TMEM132B: variants seen among roughly 807,000 people sequenced by gnomAD.
The protein encoded by TMEM132B is transmembrane protein 132B.
In TMEM132B, 18 loss-of-function variants were observed where a neutral mutation model predicts 90.8. The observed-to-expected ratio is 0.20, with a 90% CI of 0.14 to 0.29. The LOEUF is 0.29. Ranked by LOEUF, TMEM132B falls within the 10% of genes least tolerant of loss-of-function variation. The pLI is 1.00. For synonymous variants in TMEM132B, 504 were observed against 523.3 expected (o/e 0.96, Z 0.50); for missense variants, 1,096 against 1,326.8 (o/e 0.83, Z 2.70).
chr12:125,534,429 A>G (rs1883742049), intron 4 of TMEM132B, among the ~76,000 whole-genome samples: 1 of 152,108 alleles, frequency 6.6e-6, no homozygotes, highest in Non-Finnish European at 1.5e-5. Flanking sequence ...AGGTGGGAGG[A>G]TTGCTTGCAC....
chr12:125,405,178 C>T lies in TMEM132B; in HGVS notation c.960-10353C>T, dbSNP rs532423769. 5.9e-5 allele frequency among the ~76,000 whole-genome samples: 9 copies of T among 152,336 alleles called. No individual in the cohort carries two copies. In the East Asian group the frequency reaches 7.7e-4, roughly 13 times the overall value. ...GGCCAGAGCCCAAAATCAAGATGTC[C>T]GTAGGGTTGAGAAACCTTCTCATGC... On this transcript the variant is annotated intron_variant, in intron 2 of 8. Transcript: ENST00000682704.
At position 125,652,852 on chromosome 12, in the gene TMEM132B, C is replaced by T. The variant is rs148008525; in HGVS notation, c.2106+220C>T. ...TTTCCACGCTGACCACATCCTTATA[C>T]GCCATTTGCTTTCCCCTGGGCTTAT... On this transcript the variant is annotated intron_variant, in intron 8 of 8. Coordinates refer to ENST00000682704, the MANE Select transcript of TMEM132B (RefSeq NM_001366854.1). 1.4e-4 allele frequency among the ~76,000 whole-genome samples: 22 copies of T among 152,354 alleles called. 1 individual carries two copies. The highest frequency in any genetic ancestry group is 1.9e-4 in the East Asian group (1 of 5,182).
intron 2 of TMEM132B, among the ~76,000 whole-genome samples, chr12:125,403,253 C>CT (rs1879369226): frequency 6.6e-6 from 1 of 152,222 alleles, no homozygotes; most frequent in Admixed American, 6.5e-5. Flanking sequence ...TCTACCTCTA[C>CT]TTTCAGAGTT....
In TMEM132B at chr12:125,654,713, T is replaced by C; in HGVS notation, c.*3T>C. Reference sequence around the variant, plus strand: ...AAAGTCTGCAAGACCAGATGTAAACTCCTTTCTTATGTTTGTATTCACCTT... The same window carrying C: ...AAAGTCTGCAAGACCAGATGTAAACCCCTTTCTTATGTTTGTATTCACCTT... On this transcript the variant is annotated 3_prime_UTR_variant, in exon 9 of 9. Coordinates refer to ENST00000682704, the MANE Select transcript of TMEM132B (RefSeq NM_001366854.1). The surrounding 1 kb of genome is among the most constrained non-coding windows in gnomAD (Gnocchi z 5.8). 6.2e-7 allele frequency: 1 copy of C among 1,607,324 alleles called. No individual in the cohort carries two copies. Among genetic ancestry groups the C allele is most frequent in the Non-Finnish European group, 8.5e-7 (1 of 1,176,372 alleles).
rs548911315 is a variant in TMEM132B at position 125,415,016 on chromosome 12, T to G, written c.960-515T>G. 2.6e-5 allele frequency among the ~76,000 whole-genome samples: 4 copies of G among 152,304 alleles called. No individual in the cohort carries two copies. In the South Asian group the frequency reaches 6.2e-4, roughly 24 times the overall value. ...ATCTGGCCCCGTTATCCTGCCTGAA[T>G]GCCACATTTGTTCTTCAAACACCTG... On this transcript the variant is annotated intron_variant, in intron 2 of 8. Coordinates refer to ENST00000682704, the MANE Select transcript of TMEM132B (RefSeq NM_001366854.1). The surrounding 1 kb of genome is among the most constrained non-coding windows in gnomAD (Gnocchi z 5.3).
intron 4 of TMEM132B, among the ~76,000 whole-genome samples, chr12:125,572,686 T>C (rs1455141604): frequency 6.6e-6 from 1 of 152,244 alleles, no homozygotes; most frequent in African/African-American, 2.4e-5. Context: ...GAAAATGTCC[T>C]GTTTCTTATC....
At chr12:125,219,876 C>T (rs112881872) in intron 1 of TMEM132B, among the ~76,000 whole-genome samples, 44 of 152,378 alleles carry the variant, frequency 2.9e-4, no homozygotes, top group African/African-American at 1.0e-3. Flanking sequence ...CCCCCAGCAG[C>T]CTTCCCCTGA....
At chr12:125,592,537 G>GAAAAAA (rs573400580) in intron 5 of TMEM132B, among the ~76,000 whole-genome samples, 1 of 148,550 alleles carries the variant, frequency 6.7e-6, no homozygotes, top group East Asian at 2.0e-4. Flanking sequence ...GTGGATGTCA[G>GAAAAAA]AAAAAAAAAA....
At chr12:125,336,802 G>A (rs976240222) in intron 1 of TMEM132B, among the ~76,000 whole-genome samples, 1 of 152,202 alleles carries the variant, frequency 6.6e-6, no homozygotes, top group African/African-American at 2.4e-5. Context: ...GGCAGACCCG[G>A]GGCTCCAGCC....
At chr12:125,423,229 A>G (rs1880218426) in intron 3 of TMEM132B, among the ~76,000 whole-genome samples, 1 of 152,224 alleles carries the variant, frequency 6.6e-6, no homozygotes, top group Non-Finnish European at 1.5e-5. Flanking sequence ...CGATTTTAGG[A>G]TTTGAAAGCA....
chr12:125,513,976 AG>A (rs1883044434), intron 3 of TMEM132B, among the ~76,000 whole-genome samples: 1 of 152,176 alleles, frequency 6.6e-6, no homozygotes, highest in Admixed American at 6.5e-5. Flanking sequence ...AGCACACCAC[AG>A]GGGGTGCCAA....
chr12:125,573,664 G>A (rs1045137882), intron 4 of TMEM132B, among the ~76,000 whole-genome samples: 32 of 152,184 alleles, frequency 2.1e-4, no homozygotes, highest in Non-Finnish European at 5.9e-5. Flanking sequence ...TTTGCTCTGG[G>A]TCACTTTGGG....
At chr12:125,366,360 A>C (rs966045467) in intron 2 of TMEM132B, among the ~76,000 whole-genome samples, 1 of 152,128 alleles carries the variant, frequency 6.6e-6, no homozygotes, top group Admixed American at 6.6e-5. Context: ...TATCTCTTTG[A>C]TATGATGATT....
At chr12:125,291,584 C>T (rs7306356) in intron 1 of TMEM132B, among the ~76,000 whole-genome samples, 46,188 of 151,834 alleles carry the variant, frequency 0.3, 7,335 homozygotes, top group East Asian at 0.53. Context: ...GTCCTCCAAG[C>T]GCAAGGACCT....
At chr12:125,363,767 A>G (rs186154963) in intron 2 of TMEM132B, among the ~76,000 whole-genome samples, 1 of 152,282 alleles carries the variant, frequency 6.6e-6, no homozygotes, top group African/African-American at 2.4e-5. Context: ...AATCCACAAA[A>G]CCAAGAAGCT....
chr12:125,219,413 A>C (rs1415338133), intron 1 of TMEM132B, among the ~76,000 whole-genome samples: 1 of 152,158 alleles, frequency 6.6e-6, no homozygotes, highest in Non-Finnish European at 1.5e-5. Flanking sequence ...CGATGTGAAA[A>C]ATCAACTGAA....
intron 5 of TMEM132B, among the ~76,000 whole-genome samples, chr12:125,597,494 A>G (rs988490073): frequency 5.3e-5 from 8 of 152,238 alleles, no homozygotes; most frequent in Non-Finnish European, 8.8e-5. Context: ...AAACCTATCA[A>G]GGCATGTTGT....
intron 1 of TMEM132B, among the ~76,000 whole-genome samples, chr12:125,200,034 T>C (rs1266445587): frequency 6.6e-6 from 1 of 152,152 alleles, no homozygotes. Flanking sequence ...CACAAAGTTG[T>C]TAGTTTGTGG....
chr12:125,324,277 A>G (rs181438982), intron 1 of TMEM132B, among the ~76,000 whole-genome samples: 1 of 152,352 alleles, frequency 6.6e-6, no homozygotes, highest in African/African-American at 2.4e-5. Flanking sequence ...CAATGTTGTC[A>G]TTACTTCCAA....
Sources: gnomAD v4.1 joint callset for allele counts (sites outside exome capture counted in the v4.1 genomes callset) on GRCh38, gnomAD v4.1.1 for gene constraint, Gnocchi (gnomAD v3.1) non-coding constraint, MANE v1.5 for transcripts, NCBI Gene and HGNC (gene_info 2026-07-23, HGNC 2026-07-21) for gene names.